The following ZNF518A variants were observed in gnomAD, a reference collection of about 807,000 sequenced individuals.
The protein encoded by ZNF518A is zinc finger protein 518A.
In ZNF518A, 47 loss-of-function variants were observed where a neutral mutation model predicts 102.7. That is an observed-to-expected ratio of 0.46 (90% confidence interval 0.36 to 0.58). ZNF518A has a LOEUF of 0.58. Ranked by LOEUF, ZNF518A falls within the 20% of genes least tolerant of loss-of-function variation. The probability of loss-of-function intolerance (pLI) is 0.00; values close to 1 mark genes in which losing one functional copy is unlikely to be tolerated. For missense variants in ZNF518A, 1,793 were observed against 1,699.8 expected, an observed-to-expected ratio of 1.05 and a Z score of -0.96; for synonymous variants, 652 against 594.6, an observed-to-expected ratio of 1.10 and a Z score of -1.40.
chr10:96,160,556 C>G lies in ZNF518A; in HGVS notation c.4234C>G (p.Pro1412Ala), dbSNP rs782449061. 1.9e-6 allele frequency: 3 copies of G among 1,611,430 alleles called. No individual in the cohort carries two copies. The highest frequency in any genetic ancestry group is 2.5e-6 in the Non-Finnish European group (3 of 1,179,022). The change falls in exon 6 of 6, where the codon CCT becomes GCT. Residue 1412 changes from proline (P) to alanine (A), a missense_variant. This residue lies in a region of ZNF518A where 1,741 missense variants were observed against 1,622.6 expected (regional missense o/e 1.07). Transcript: ENST00000316045. ...TTCCAAGAGGCACAAAACATTTAAA[C>G]CTGTTAGTTCTGTGAAAGAAAGATT... ...DFSKRHKTFK[P>A]VSSVKERFVL...
downstream of ZNF518A, among the ~76,000 whole-genome samples, chr10:96,164,627 T>G (rs782047892): frequency 2.6e-5 from 4 of 152,232 alleles, no homozygotes; most frequent in African/African-American, 4.8e-5. Flanking sequence ...TAACAAAGCT[T>G]CTGTTAATGC....
chr10:96,186,307 T>G (rs1399237257), intron 1 of ZNF518A, among the ~76,000 whole-genome samples: 3 of 152,234 alleles, frequency 2.0e-5, no homozygotes, highest in African/African-American at 7.2e-5. Flanking sequence ...TCGATCACAC[T>G]GGGAGCTGCA....
At chr10:96,148,423 A>G (rs1433673486) in intron 3 of ZNF518A, among the ~76,000 whole-genome samples, 5 of 152,228 alleles carry the variant, frequency 3.3e-5, no homozygotes, top group Non-Finnish European at 7.3e-5. Context: ...CTGGGCAACA[A>G]GAGTGGAACT....
intron 3 of ZNF518A, among the ~76,000 whole-genome samples, chr10:96,153,936 G>A (rs1295469167): frequency 1.3e-5 from 2 of 152,120 alleles, no homozygotes; most frequent in East Asian, 1.9e-4. Context: ...AGAAGGAAAA[G>A]CTGTCTGTTA....
chr10:96,189,798 A>C (rs2083300698), intron 1 of ZNF518A: 17 of 1,001,416 alleles, frequency 1.7e-5, no homozygotes, highest in Non-Finnish European at 2.5e-5. Flanking sequence ...GGGACAGATC[A>C]CTTTCCAGAT....
downstream of ZNF518A, among the ~76,000 whole-genome samples, chr10:96,165,922 GTA>G (rs1435869045): frequency 6.6e-6 from 1 of 152,206 alleles, no homozygotes; most frequent in Non-Finnish European, 1.5e-5. Context: ...AGTGATGGTG[GTA>G]GCATGACTCA....
chr10:96,144,647 T>G (rs1302764401), intron 3 of ZNF518A, among the ~76,000 whole-genome samples: 1 of 152,164 alleles, frequency 6.6e-6, no homozygotes, highest in Non-Finnish European at 1.5e-5. Context: ...ACTAGGTCCA[T>G]ATGGTGTTCT....
chr10:96,165,262 G>A (rs929103156), downstream of ZNF518A, among the ~76,000 whole-genome samples: 3 of 151,940 alleles, frequency 2.0e-5, no homozygotes, highest in African/African-American at 7.3e-5. Context: ...TGCCCACCAC[G>A]ATACCCAGCT....
Position 96,159,107 on chromosome 10 carries a change from A to C in ZNF518A, c.2785A>C (p.Thr929Pro), listed in dbSNP as rs1554885487. Residue 929 changes from threonine (T) to proline (P), a missense_variant, in exon 6 of 6, where the codon ACT becomes CCT. By Grantham distance (38) the Thr-to-Pro change is conservative. Around this residue, in one of 3 missense-constraint regions of ZNF518A, gnomAD observed 1,741 missense variants for 1,622.6 expected, o/e 1.07. Transcript: ENST00000316045. Reference protein sequence around the residue: ...SPLLNSEQKKTIIVQTSKGFL... With the variant: ...SPLLNSEQKKPIIVQTSKGFL... Reference sequence around the variant, plus strand: ...ACTTTTAAATTCAGAACAAAAAAAAACTATAATTGTTCAGACTTCAAAAGG... The same window carrying C: ...ACTTTTAAATTCAGAACAAAAAAAACCTATAATTGTTCAGACTTCAAAAGG... 1.2e-6 allele frequency: 2 copies of C among 1,611,312 alleles called. No homozygotes were observed. Among genetic ancestry groups the C allele is most frequent in the Middle Eastern group, 1.7e-4 (1 of 6,046 alleles).
downstream of ZNF518A, among the ~76,000 whole-genome samples, chr10:96,168,121 T>G (rs138307631): frequency 2.0e-5 from 3 of 152,348 alleles, no homozygotes; most frequent in African/African-American, 7.2e-5. Context: ...TACGAACAGA[T>G]ATACATTGTC....
intron 2 of ZNF518A, chr10:96,203,858 T>G (rs1414844771): frequency 1.2e-5 from 5 of 427,872 alleles, no homozygotes; most frequent in Non-Finnish European, 2.1e-5. Flanking sequence ...AAAAATTGCC[T>G]CAAATATATT....
chr10:96,139,509 GC>G (rs1404716615), intron 3 of ZNF518A, among the ~76,000 whole-genome samples: 2 of 152,132 alleles, frequency 1.3e-5, no homozygotes, highest in African/African-American at 4.8e-5. Flanking sequence ...CAGGAAGTAG[GC>G]CCTCCCCAGA....
rs2082976017 is a variant in ZNF518A, at chr10:96,160,950, C to T, written c.*176C>T. On this transcript the variant is annotated 3_prime_UTR_variant, in exon 6 of 6. Transcript: ENST00000316045. Reference sequence around the variant, plus strand: ...GTTGTATGTATGATATTTGAAAATGCTATCCCTGCACTCAAAAGTTTTGAA... The same window carrying T: ...GTTGTATGTATGATATTTGAAAATGTTATCCCTGCACTCAAAAGTTTTGAA... The T allele has an allele frequency of 4.8e-6, 3 of 625,028 alleles. No individual in the cohort carries two copies. Among genetic ancestry groups the T allele is most frequent in the East Asian group, 6.6e-5 (2 of 30,320 alleles). The allele number at this position is 625,028 out of a possible 1,614,324, so 38.7% of individuals were successfully genotyped here.
chr10:96,184,483 G>T (rs1554892338), intron 1 of ZNF518A, among the ~76,000 whole-genome samples: 1 of 152,180 alleles, frequency 6.6e-6, no homozygotes, highest in Admixed American at 6.5e-5. Flanking sequence ...AGGAGCTCTT[G>T]TAAGGCAGGG....
chr10:96,149,181 A>G (rs367742836), intron 3 of ZNF518A, among the ~76,000 whole-genome samples: 7 of 152,310 alleles, frequency 4.6e-5, no homozygotes, highest in East Asian at 3.9e-4. Context: ...AAAGTTTATA[A>G]ATGTTTATTT....
chr10:96,142,522 A>C (rs868956405), intron 3 of ZNF518A, among the ~76,000 whole-genome samples: 3 of 152,308 alleles, frequency 2.0e-5, no homozygotes, highest in Middle Eastern at 3.4e-3. Flanking sequence ...TTATGTGATG[A>C]GACAACTTAG....
At chr10:96,199,047 G>A (rs949599238) in intron 1 of ZNF518A, among the ~76,000 whole-genome samples, 6 of 152,166 alleles carry the variant, frequency 3.9e-5, no homozygotes, top group Non-Finnish European at 7.3e-5. Context: ...ATGTAAACAC[G>A]ATTTTTCCTC....
In ZNF518A at chr10:96,161,880, T is replaced by A. The variant is rs1021829384; in HGVS notation, c.*1106T>A. ...CATTTGCAAAAGGAAGCATCAATAG[T>A]GGACCCAGAGGCAGTGCATAAAACC... On this transcript the variant is annotated 3_prime_UTR_variant, in exon 6 of 6. Transcript: ENST00000316045. The A allele has an allele frequency of 6.0e-6, 1 of 166,960 alleles. No individual in the cohort carries two copies. The highest frequency in any genetic ancestry group is 1.5e-5 in the Non-Finnish European group (1 of 68,022). 10.3% of individuals were successfully genotyped at this position (166,960 alleles called of 1,614,324 possible).
downstream of ZNF518A, chr10:96,204,977 CA>C: frequency 3.1e-6 from 1 of 318,538 alleles, no homozygotes; most frequent in Non-Finnish European, 6.1e-6. Flanking sequence ...CTCTACTTGC[CA>C]TGTGGCCTCC....
Sources: gnomAD v4.1 joint callset for allele counts (sites outside exome capture counted in the v4.1 genomes callset) on GRCh38, gnomAD v4.1.1 for gene constraint, gnomAD v4.1.1 regional missense constraint, MANE v1.5 for transcripts, NCBI Gene and HGNC (gene_info 2026-07-23, HGNC 2026-07-21) for gene names.